MYOM3: variants seen among roughly 807,000 people sequenced by gnomAD.
The protein encoded by MYOM3 is myomesin 3.
MYOM3 carries 155 observed loss-of-function variants against 191.7 expected under a neutral mutation model. The ratio of observed to expected loss-of-function variants is 0.81; its 90% CI spans 0.71 to 0.92. The LOEUF (loss-of-function observed/expected upper bound fraction) is 0.92. MYOM3 is among the 40% of genes least tolerant of loss of function. The probability of loss-of-function intolerance (pLI) is 0.00; values close to 1 mark genes in which losing one functional copy is unlikely to be tolerated. For missense variants in MYOM3, 1,889 were observed against 1,890.6 expected (o/e 1.00, Z 0.02); for synonymous variants, 757 against 762.9 (o/e 0.99, Z 0.13).
At chr1:24,105,207 G>A (rs771840607) in intron 5 of MYOM3, among the ~76,000 whole-genome samples, 23 of 152,164 alleles carry the variant, frequency 1.5e-4, no homozygotes, top group South Asian at 2.1e-4. Context: ...CTGTTGTGGC[G>A]TTAAATTCTC....
rs535178608 is a variant in MYOM3, at chr1:24,092,068, G to A, written c.1232+106C>T. ...CTGTCCTTTTCTGAGGAGCGGGGGT[G>A]TGAGGGTTCTCTGAGGTCAGACATG... On this transcript the variant is annotated intron_variant, in intron 11 of 36. Coordinates refer to ENST00000374434, the MANE Select transcript of MYOM3 (RefSeq NM_152372.4). The A allele has an allele frequency of 5.7e-5, 65 of 1,147,594 alleles. No homozygotes were observed. The African/African-American group carries it at 8.0e-4, about 14-fold the overall frequency. 71.1% of individuals were successfully genotyped at this position (1,147,594 alleles called of 1,614,324 possible).
At chr1:24,065,866 GC>G (rs764101155) in intron 29 of MYOM3, 24 bp downstream of exon 29, 20 of 1,518,364 alleles carry the variant, frequency 1.3e-5, no homozygotes, top group Non-Finnish European at 1.6e-5. Flanking sequence ...GAGAAAGTGA[GC>G]CCTGAAGCTG....
At chr1:24,081,698 G>A in intron 18 of MYOM3, 1 of 589,908 alleles carries the variant, frequency 1.7e-6, no homozygotes, top group Non-Finnish European at 3.0e-6. Flanking sequence ...GAGTAGCCAG[G>A]ACTACAGGCG....
chr1:24,095,397 C>T, intron 8 of MYOM3, 45 bp downstream of exon 8: 1 of 1,580,146 alleles, frequency 6.3e-7, no homozygotes, highest in South Asian at 1.1e-5. Context: ...GGGAGCAAAG[C>T]CTGAACAAAG....
chr1:24,059,145 A>C (rs916438843), intron 35 of MYOM3, among the ~76,000 whole-genome samples, 166 bp from the exon 36 acceptor site: 1 of 151,820 alleles, frequency 6.6e-6, no homozygotes, highest in African/African-American at 2.4e-5. Context: ...TTCAAAATTA[A>C]TTTTTTGAGA....
rs1036051737 is a variant in MYOM3 at position 24,081,437 on chromosome 1, C to A, written c.2300G>T (p.Gly767Val). Residue 767 changes from glycine to valine, a missense_variant, in exon 19 of 37, where the codon GGC becomes GTC. By Grantham distance (109) the Gly-to-Val change is moderately radical (BLOSUM62 -3). Transcript: ENST00000374434. Reference sequence around the variant, plus strand: ...CCGGGCACGGAACTCATAGAAGTGGCCTTCATGAAGGTCACTGACCTTTAA... The same window carrying A: ...CCGGGCACGGAACTCATAGAAGTGGACTTCATGAAGGTCACTGACCTTTAA... ...RVCKVSDLHE[G>V]HFYEFRARAA... is the part of the protein sequence containing the mutation. 1.2e-6 allele frequency: 2 copies of A among 1,614,068 alleles called. No individual in the cohort carries two copies. The highest frequency in any genetic ancestry group is 3.3e-5 in the Admixed American group (2 of 60,018).
At chr1:24,081,901 G>T in intron 18 of MYOM3, 100 bp downstream of exon 18, 1 of 1,198,254 alleles carries the variant, frequency 8.3e-7, no homozygotes, top group Non-Finnish European at 1.2e-6. Flanking sequence ...GGGAACTTGA[G>T]ACTTCTGTCA....
intron 24 of MYOM3, 122 bp downstream of exon 24, chr1:24,071,847 C>A: frequency 9.8e-7 from 1 of 1,017,596 alleles, no homozygotes; most frequent in Non-Finnish European, 1.6e-6. Context: ...CTCTGTGATT[C>A]TCCCACCCTC....
intron 7 of MYOM3, 28 bp downstream of exon 7, chr1:24,097,893 GGA>G: frequency 6.8e-7 from 1 of 1,464,142 alleles, no homozygotes; most frequent in Non-Finnish European, 9.6e-7. Context: ...GCTGTGGCCC[GGA>G]GTGCCTGTTG....
chr1:24,086,880 GT>G (rs1227358017), intron 14 of MYOM3, 53 bp from the exon 15 acceptor site: 7 of 1,559,304 alleles, frequency 4.5e-6, no homozygotes, highest in Non-Finnish European at 6.1e-6. Context: ...GACCGGCTCT[GT>G]GCTGGTCACC....
intron 5 of MYOM3, among the ~76,000 whole-genome samples, chr1:24,102,074 T>C (rs1189317290): frequency 1.3e-5 from 2 of 152,060 alleles, no homozygotes; most frequent in Non-Finnish European, 2.9e-5. Flanking sequence ...CTCTGCCCTG[T>C]GTGGGTGGCT....
chr1:24,064,050 CT>C lies in MYOM3; in HGVS notation c.3622+21del. ...CTCCACTGTGCTCCCTCCACAGCCC[CT>C]GACCCATCGCCAGCTCCTACCGTCA... On this transcript the variant is annotated intron_variant, in intron 30 of 36. Coordinates refer to ENST00000374434, the MANE Select transcript of MYOM3 (RefSeq NM_152372.4). The C allele has an allele frequency of 2.5e-6, 4 of 1,598,754 alleles. No individual in the cohort carries two copies. The South Asian group carries it at 3.3e-5, about 13-fold the overall frequency.
chr1:24,072,418 CT>C (rs1009668233), intron 23 of MYOM3, among the ~76,000 whole-genome samples: 9 of 152,328 alleles, frequency 5.9e-5, no homozygotes, highest in Admixed American at 1.3e-4. Context: ...TTGCTCACCC[CT>C]GTCACATGCT....
Position 24,090,976 on chromosome 1 carries a change from T to C in MYOM3, c.1253A>G (p.Glu418Gly), listed in dbSNP as rs757229846. The stretch of plus-strand genomic sequence containing the variant: ...GGGGGCCTCATGGCAGGCGATCCAT[T>C]CCCCAGACTCGCCCTGGCACCTGTT... ...TIERCQGESGEWIACHEAPGG... is the reference protein window; with the variant it reads ...TIERCQGESGGWIACHEAPGG... The change falls in exon 12 of 37, where the codon GAA (glutamate) becomes GGA (glycine). Residue 418 changes from glutamate (E) to glycine (G), a missense_variant. Physicochemically the swap from Glu to Gly is moderately conservative, Grantham distance 98. Transcript: ENST00000374434. The C allele has an allele frequency of 6.2e-7, 1 of 1,613,860 alleles. No individual in the cohort carries two copies. Among genetic ancestry groups the C allele is most frequent in the South Asian group, 1.1e-5 (1 of 91,070 alleles).
chr1:24,092,898 C>T, intron 10 of MYOM3, 49 bp downstream of exon 10: 1 of 1,446,022 alleles, frequency 6.9e-7, no homozygotes, highest in Non-Finnish European at 9.1e-7. Flanking sequence ...GGGGCAGAGC[C>T]CTGGTCTCTG....
At chr1:24,071,351 G>A (rs893834323) in intron 24 of MYOM3, 98 bp from the exon 25 acceptor site, 19 of 1,425,208 alleles carry the variant, frequency 1.3e-5, no homozygotes, top group Non-Finnish European at 1.8e-5. Context: ...CATCTGACAT[G>A]CAAAACCTTT....
intron 24 of MYOM3, 84 bp from the exon 25 acceptor site, chr1:24,071,337 T>G: frequency 2.0e-6 from 3 of 1,484,762 alleles, no homozygotes; most frequent in Non-Finnish European, 2.7e-6. Context: ...GAGCACACCC[T>G]TGGCATCTGA....
intron 17 of MYOM3, 78 bp from the exon 18 acceptor site, chr1:24,082,266 C>A: frequency 9.1e-6 from 12 of 1,319,876 alleles, no homozygotes; most frequent in Non-Finnish European, 1.2e-5. Flanking sequence ...AGGGAGCTGA[C>A]GAGCCTCCTC....
chr1:24,077,700 A>G (rs1163311682), intron 20 of MYOM3, among the ~76,000 whole-genome samples: 2 of 152,208 alleles, frequency 1.3e-5, no homozygotes, highest in African/African-American at 4.8e-5. Context: ...ATGCCTAGGA[A>G]TTGGTCCAGG....
Sources: allele counts gnomAD v4.1 joint callset (sites outside exome capture counted in the v4.1 genomes callset), GRCh38; gene constraint gnomAD v4.1.1; transcripts MANE v1.5; gene names NCBI Gene and HGNC (gene_info 2026-07-23, HGNC 2026-07-21).